WDR47: variants seen among roughly 807,000 people sequenced by gnomAD.
The protein encoded by WDR47 is WD repeat-containing protein 47.
A neutral mutation model predicts 97.2 loss-of-function variants in WDR47; 32 were observed. That is an observed-to-expected ratio of 0.33 (90% CI 0.25 to 0.44). The LOEUF is 0.44. Among genes scored for constraint, WDR47 ranks in the 20% least tolerant of loss-of-function variants. The probability of loss-of-function intolerance (pLI) is 1.00; values close to 1 mark genes in which losing one functional copy is unlikely to be tolerated. For synonymous variants in WDR47, 375 were observed against 373.5 expected (o/e 1.00, Z -0.05); for missense variants, 782 against 1,102.3 (o/e 0.71, Z 4.11).
At chr1:108,991,964 G>A (rs954416828) in intron 8 of WDR47, among the ~76,000 whole-genome samples, 1 of 151,992 alleles carries the variant, frequency 6.6e-6, no homozygotes, top group African/African-American at 2.4e-5. Context: ...CACCCAGCCA[G>A]CTTTTGTTTT....
At chr1:109,037,111 C>T (rs1557969897) in intron 1 of WDR47, among the ~76,000 whole-genome samples, 2 of 151,956 alleles carry the variant, frequency 1.3e-5, no homozygotes, top group African/African-American at 4.8e-5. Context: ...AGGCAGATCA[C>T]CTGAGGTTGG....
chr1:108,993,149 ACTC>A (rs1659488328), intron 8 of WDR47, among the ~76,000 whole-genome samples: 2 of 152,092 alleles, frequency 1.3e-5, no homozygotes, highest in Non-Finnish European at 2.9e-5. Context: ...ACATGGTGAA[ACTC>A]CATCTCTACT....
chr1:109,033,204 G>A (rs1218298628), intron 1 of WDR47, among the ~76,000 whole-genome samples: 1 of 152,054 alleles, frequency 6.6e-6, no homozygotes, highest in Non-Finnish European at 1.5e-5. Flanking sequence ...TGAGGCAGGA[G>A]AATCACTTGA....
rs138774417 is a variant in WDR47, at chr1:108,983,373, G to T, written c.2004C>A (p.Ala668=). 44 of 1,612,944 alleles carry T rather than the reference G, an allele frequency of 2.7e-5. No individual in the cohort carries two copies. The highest frequency in any genetic ancestry group is 6.7e-5 in the African/African-American group (5 of 74,832). The change falls in exon 11 of 15, where the codon GCC becomes GCA. Residue 668 remains alanine, a synonymous_variant. Transcript: ENST00000369962. ...CTAATAACTGCCCACAAGGACTCCA[G>T]GCCACACAGTAAATGGATCCTTTAT... The part of the protein sequence containing the change: ...KHHKGSIYCV[A]WSPCGQLLAT...
chr1:109,002,588 C>T (rs1660300488), intron 6 of WDR47, among the ~76,000 whole-genome samples, 186 bp from the exon 7 acceptor site: 1 of 152,170 alleles, frequency 6.6e-6, no homozygotes, highest in African/African-American at 2.4e-5. Context: ...AGTTAATTTG[C>T]TTTATTCCAC....
In WDR47 at chr1:108,997,857, C is replaced by T. The variant is rs564578311; in HGVS notation, c.1434-2020G>A. On this transcript the variant is annotated intron_variant, in intron 7 of 14. Transcript: ENST00000369962. ...TTTAGACCCAAAACTAACCCAGCAT[C>T]AGTTTCTCCAGCTGAGATTCAATAT... 5.3e-5 allele frequency among the ~76,000 whole-genome samples: 8 copies of T among 151,708 alleles called. No individual in the cohort carries two copies. The East Asian group carries it at 1.4e-3, about 26-fold the overall frequency.
chr1:108,991,153 C>T (rs916001382), intron 9 of WDR47, 101 bp downstream of exon 9: 20 of 1,119,360 alleles, frequency 1.8e-5, no homozygotes, highest in East Asian at 9.6e-5. Context: ...CTGTACACCA[C>T]CACGTCTGAC....
chr1:109,016,280 GC>G (rs1165467259), intron 3 of WDR47, among the ~76,000 whole-genome samples: 6 of 152,104 alleles, frequency 3.9e-5, no homozygotes, highest in Non-Finnish European at 5.9e-5. Flanking sequence ...GCACACGCCT[GC>G]AGTCCCAGCC....
intron 7 of WDR47, among the ~76,000 whole-genome samples, chr1:108,996,521 T>C (rs970576267): frequency 6.6e-6 from 1 of 152,204 alleles, no homozygotes; most frequent in African/African-American, 2.4e-5. Context: ...AACAAGCCAT[T>C]TTCATTCCAT....
At chr1:108,990,266 T>C (rs1659221869) in intron 9 of WDR47, among the ~76,000 whole-genome samples, 1 of 152,078 alleles carries the variant, frequency 6.6e-6, no homozygotes, top group Admixed American at 6.6e-5. Context: ...TGGAGTACAA[T>C]GGCGCGATCT....
chr1:109,021,559 ATGT>A (rs1228584572), intron 2 of WDR47, among the ~76,000 whole-genome samples: 3 of 151,926 alleles, frequency 2.0e-5, no homozygotes, highest in Non-Finnish European at 4.4e-5. Context: ...CAAGTATAAA[ATGT>A]TCTGTAGAGC....
rs1191443355 is a variant in WDR47, at chr1:108,970,924, T to C, written c.*506A>G. On this transcript the variant is annotated 3_prime_UTR_variant, in exon 15 of 15. Transcript: ENST00000369962. ...CATGTAACTTTTGAGTGACATATAT[T>C]ATGGAATTCTGACCTCTAGAAGACA... The C allele has an allele frequency of 1.3e-5, 2 of 152,744 alleles. No individual in the cohort carries two copies. Among genetic ancestry groups the C allele is most frequent in the African/African-American group, 4.8e-5 (2 of 41,460 alleles). 9.5% of individuals were successfully genotyped at this position (152,744 alleles called of 1,614,324 possible). A position where few individuals can be genotyped will look rare whatever the true frequency, so the allele number is the denominator to read the frequency against.
intron 4 of WDR47, among the ~76,000 whole-genome samples, chr1:109,012,968 C>CT (rs1661156960): frequency 1.3e-5 from 2 of 152,164 alleles, no homozygotes; most frequent in African/African-American, 4.8e-5. Context: ...TTGTGCCTCC[C>CT]TAAAATTCCT....
intron 14 of WDR47, 78 bp downstream of exon 14, chr1:108,974,458 C>A (rs1657727822): frequency 1.8e-6 from 2 of 1,123,282 alleles, no homozygotes; most frequent in East Asian, 5.1e-5. Flanking sequence ...ATATAATCAA[C>A]CACATCACAT....
chr1:108,986,650 TACAA>T lies in WDR47; in HGVS notation c.1794_1797del (p.Cys599LeufsTer4). 2 of 1,611,448 alleles carry T rather than the reference TACAA, an allele frequency of 1.2e-6. No homozygotes were observed. The highest frequency in any genetic ancestry group is 1.7e-6 in the Non-Finnish European group (2 of 1,178,810). On this transcript the variant is annotated frameshift_variant, in exon 10 of 15. Transcript: ENST00000369962. LOFTEE classifies it high-confidence loss of function. The stretch of plus-strand genomic sequence containing the variant: ...GCTTGTGTGTCTTCTAGGATATTAA[TACAA>T]ACAAACTGCTTTTTTGATTTGTCAT...
chr1:109,032,287 G>A (rs1662654163), intron 1 of WDR47, among the ~76,000 whole-genome samples: 1 of 137,136 alleles, frequency 7.3e-6, no homozygotes, highest in African/African-American at 2.6e-5. Context: ...GGAGGCGGGT[G>A]GATCTCGAGG....
chr1:109,035,968 G>A (rs1436679463), intron 1 of WDR47, among the ~76,000 whole-genome samples: 1 of 151,930 alleles, frequency 6.6e-6, no homozygotes, highest in Non-Finnish European at 1.5e-5. Context: ...TAAGACTATA[G>A]ACATATGCCA....
intron 1 of WDR47, among the ~76,000 whole-genome samples, chr1:109,032,591 T>TG (rs1662678959): frequency 1.3e-5 from 2 of 151,310 alleles, no homozygotes; most frequent in African/African-American, 4.9e-5. Flanking sequence ...AATTGTCAAC[T>TG]TTGACACTAA....
intron 7 of WDR47, among the ~76,000 whole-genome samples, chr1:109,001,983 G>A (rs1365438040): frequency 6.6e-6 from 1 of 152,042 alleles, no homozygotes; most frequent in Non-Finnish European, 1.5e-5. Context: ...GATCCACCTG[G>A]CTGTCAGCTG....
Sources: gnomAD v4.1 joint callset for allele counts (sites outside exome capture counted in the v4.1 genomes callset) on GRCh38, gnomAD v4.1.1 for gene constraint, MANE v1.5 for transcripts, NCBI Gene and HGNC (gene_info 2026-07-23, HGNC 2026-07-21) for gene names.